NELL1: variants seen among roughly 807,000 people sequenced by gnomAD.
NELL1 encodes neural EGFL like 1.
Under a neutral mutation model 107.4 loss-of-function variants are expected in NELL1, and 76 were observed. The observed-to-expected ratio is 0.71, with a 90% CI of 0.59 to 0.86. NELL1 has a LOEUF of 0.86. NELL1 is among the 40% of genes least tolerant of loss of function. NELL1 has a pLI of 0.00. For synonymous variants in NELL1, 353 were observed against 341.2 expected, an observed-to-expected ratio of 1.03 and a Z score of -0.38; for missense variants, 1,024 against 1,005.5, an observed-to-expected ratio of 1.02 and a Z score of -0.25.
At chr11:21,118,904 GATAT>G (rs1188576202) in intron 13 of NELL1, among the ~76,000 whole-genome samples, 1 of 151,968 alleles carries the variant, frequency 6.6e-6, no homozygotes, top group Non-Finnish European at 1.5e-5. Flanking sequence ...AGTTAAAGAA[GATAT>G]ATCAGCTTTG....
chr11:21,162,407 G>T (rs1856392623), intron 13 of NELL1, among the ~76,000 whole-genome samples: 1 of 152,108 alleles, frequency 6.6e-6, no homozygotes, highest in African/African-American at 2.4e-5. Context: ...AGAAACAAGA[G>T]GTCAGGAAAT....
At chr11:20,796,804 A>G (rs1857177998) in intron 3 of NELL1, among the ~76,000 whole-genome samples, 1 of 152,182 alleles carries the variant, frequency 6.6e-6, no homozygotes, top group Non-Finnish European at 1.5e-5. Flanking sequence ...TAGTGCCCTG[A>G]TAGGAGGAAT....
intron 3 of NELL1, among the ~76,000 whole-genome samples, chr11:20,812,665 G>T (rs1481958507): frequency 1.3e-5 from 2 of 152,176 alleles, no homozygotes; most frequent in African/African-American, 4.8e-5. Context: ...GAGGAGGTCA[G>T]TTCAGAAATC....
In NELL1 at chr11:20,814,086, C is replaced by A. The variant is rs913542446; in HGVS notation, c.335+30256C>A. ...TCTCGGCTCACTGCAAGCTCCACCT[C>A]CCGGGTTCATGCCATTCTCCTGCCT... On this transcript the variant is annotated intron_variant, in intron 3 of 19. Transcript: ENST00000357134. 1.1e-4 allele frequency among the ~76,000 whole-genome samples: 16 copies of A among 152,012 alleles called. No individual in the cohort carries two copies. The South Asian group carries it at 2.1e-3, about 20-fold the overall frequency.
intron 15 of NELL1, among the ~76,000 whole-genome samples, chr11:21,466,630 C>A (rs925957005): frequency 6.6e-6 from 1 of 151,952 alleles, no homozygotes; most frequent in African/African-American, 2.4e-5. Flanking sequence ...TGCCTGGGAC[C>A]CCAGTGCATA....
chr11:21,258,659 A>G (rs1858830160), intron 14 of NELL1, among the ~76,000 whole-genome samples: 1 of 151,928 alleles, frequency 6.6e-6, no homozygotes, highest in African/African-American at 2.4e-5. Flanking sequence ...TATTCAGTCT[A>G]CTGATTCAAA....
intron 14 of NELL1, among the ~76,000 whole-genome samples, chr11:21,319,830 G>T (rs57350925): frequency 0.031 from 4,762 of 151,966 alleles, 97 homozygotes; most frequent in Non-Finnish European, 0.038. Flanking sequence ...AATGTGGAAG[G>T]TTCAGCTCAT....
intron 3 of NELL1, among the ~76,000 whole-genome samples, chr11:20,819,529 AG>A (rs1453002077): frequency 3.3e-5 from 5 of 152,224 alleles, no homozygotes; most frequent in African/African-American, 1.2e-4. Context: ...AGAGGCAGAA[AG>A]GGGGCTGGAC....
chr11:21,135,230 A>C (rs1334275755), intron 13 of NELL1, among the ~76,000 whole-genome samples: 1 of 152,200 alleles, frequency 6.6e-6, no homozygotes, highest in Non-Finnish European at 1.5e-5. Flanking sequence ...CTTTTATGAC[A>C]GCATCCATTT....
intron 4 of NELL1, among the ~76,000 whole-genome samples, chr11:20,851,474 C>A (rs1262101795): frequency 6.6e-6 from 1 of 152,052 alleles, no homozygotes; most frequent in African/African-American, 2.4e-5. Flanking sequence ...TCTCCGGCTA[C>A]CTTTTATATT....
At chr11:21,562,795 C>A (rs1489722827) in intron 17 of NELL1, among the ~76,000 whole-genome samples, 1 of 131,318 alleles carries the variant, frequency 7.6e-6, no homozygotes, top group African/African-American at 2.9e-5. Flanking sequence ...ATTACACAAA[C>A]CAACAAAAGG....
At chr11:20,989,633 C>A (rs879590792) in intron 12 of NELL1, among the ~76,000 whole-genome samples, 1 of 152,116 alleles carries the variant, frequency 6.6e-6, no homozygotes, top group African/African-American at 2.4e-5. Context: ...AATAACTGCC[C>A]TCAACTATTC....
At chr11:21,317,901 A>G (rs767692070) in intron 14 of NELL1, among the ~76,000 whole-genome samples, 6 of 152,140 alleles carry the variant, frequency 3.9e-5, no homozygotes, top group Non-Finnish European at 8.8e-5. Flanking sequence ...TTATTATGTA[A>G]CCATGTAAGT....
At chr11:21,299,936 G>A (rs1188135321) in intron 14 of NELL1, among the ~76,000 whole-genome samples, 1 of 151,970 alleles carries the variant, frequency 6.6e-6, no homozygotes, top group African/African-American at 2.4e-5. Flanking sequence ...CATAATTGGT[G>A]AACCTCTGCT....
intron 11 of NELL1, among the ~76,000 whole-genome samples, chr11:20,949,993 C>T (rs1004740366): frequency 2.0e-5 from 3 of 152,156 alleles, no homozygotes; most frequent in Non-Finnish European, 4.4e-5. Flanking sequence ...TCTTTGACTG[C>T]TCTACATTTG....
intron 15 of NELL1, among the ~76,000 whole-genome samples, chr11:21,492,928 A>G (rs955401581): frequency 3.3e-5 from 5 of 152,066 alleles, no homozygotes; most frequent in African/African-American, 1.2e-4. Context: ...GGCTAAGCCC[A>G]TAATAGACAT....
At chr11:21,175,692 C>T (rs887903878) in intron 13 of NELL1, among the ~76,000 whole-genome samples, 2 of 151,874 alleles carry the variant, frequency 1.3e-5, no homozygotes, top group African/African-American at 2.4e-5. Context: ...TCCGATGCTA[C>T]AGTATAGAAG....
intron 12 of NELL1, among the ~76,000 whole-genome samples, chr11:21,082,056 A>G (rs1854282101): frequency 6.6e-6 from 1 of 152,148 alleles, no homozygotes; most frequent in Non-Finnish European, 1.5e-5. Context: ...GAACTATTGT[A>G]GCTTAATACT....
intron 15 of NELL1, among the ~76,000 whole-genome samples, chr11:21,532,233 G>T (rs562577151): frequency 3.9e-5 from 6 of 152,282 alleles, no homozygotes; most frequent in Non-Finnish European, 7.4e-5. Context: ...TTGTAGATGT[G>T]TAACTGTCTG....
Sources: allele counts gnomAD v4.1 joint callset (sites outside exome capture counted in the v4.1 genomes callset), GRCh38; gene constraint gnomAD v4.1.1; transcripts MANE v1.5; gene names NCBI Gene and HGNC (gene_info 2026-07-23, HGNC 2026-07-21).